The following NBN variants were observed in gnomAD, a reference collection of about 807,000 sequenced individuals.
NBN encodes Nijmegen breakage syndrome 1 (nibrin).
A neutral mutation model predicts 90.8 loss-of-function variants in NBN; 88 were observed. That is an observed-to-expected ratio of 0.97 (90% CI 0.82 to 1.16). NBN has a LOEUF of 1.16. Ranked by LOEUF, NBN falls within the 50% of genes most tolerant of loss-of-function variation. NBN has a pLI of 0.00. For synonymous variants in NBN, 328 were observed against 295.1 expected, an observed-to-expected ratio of 1.11 and a Z score of -1.14; for missense variants, 894 against 869.6, an observed-to-expected ratio of 1.03 and a Z score of -0.35.
Position 89,964,711 on chromosome 8 carries a change from TAA to T in NBN, c.897-206_897-205del, listed in dbSNP as rs1463012007. Among the ~76,000 whole-genome samples the T allele has an allele frequency of 9.2e-5, 14 of 152,266 alleles. No homozygotes were observed. The South Asian group carries it at 1.0e-3, about 11-fold the overall frequency. Reference sequence around the variant, plus strand: ...GTCTACCATCTTTTAGTAACTCCATTAACTTCATCTGTAAAATAAGGGGCTAA... The same window carrying T: ...GTCTACCATCTTTTAGTAACTCCATTCTTCATCTGTAAAATAAGGGGCTAA... On this transcript the variant is annotated intron_variant, in intron 7 of 15. Transcript: ENST00000265433.
At chr8:89,948,643 T>G (rs1810308767) in intron 11 of NBN, among the ~76,000 whole-genome samples, 1 of 152,202 alleles carries the variant, frequency 6.6e-6, no homozygotes, top group Non-Finnish European at 1.5e-5. Flanking sequence ...CAGCAGTAAG[T>G]CTTAAAAGTT....
At chr8:89,975,138 G>C (rs1163649263) in intron 5 of NBN, among the ~76,000 whole-genome samples, 4 of 152,140 alleles carry the variant, frequency 2.6e-5, no homozygotes, top group Non-Finnish European at 5.9e-5. Context: ...TGACAGTCAA[G>C]GAAAATGAGA....
rs1810031173 is a variant in NBN at position 89,943,268 on chromosome 8, T to C, written c.2169A>G (p.Leu723=). Residue 723 remains leucine (L), a synonymous_variant, in exon 14 of 16, where the codon CTA becomes CTG. Coordinates refer to ENST00000265433, the MANE Select transcript of NBN (RefSeq NM_002485.5). The part of the protein sequence containing the change: ...ARKNTELEEW[L]RQEMEVQNQH... ...TCCTACTAACCTCCATTTCCTGCCT[T>C]AGCCACTCTTCTAGTTCTGTATTCT... 6.2e-7 allele frequency: 1 copy of C among 1,613,638 alleles called. No homozygotes were observed. Among genetic ancestry groups the C allele is most frequent in the African/African-American group, 1.3e-5 (1 of 74,904 alleles).
chr8:89,962,233 A>C (rs978870279), intron 8 of NBN, among the ~76,000 whole-genome samples: 2 of 152,210 alleles, frequency 1.3e-5, no homozygotes, highest in African/African-American at 4.8e-5. Flanking sequence ...GTACGTTTGT[A>C]TTCAGAATTG....
intron 3 of NBN, 64 bp from the exon 4 acceptor site, chr8:89,980,957 T>C: frequency 6.9e-7 from 1 of 1,450,148 alleles, no homozygotes; most frequent in Non-Finnish European, 9.6e-7. Context: ...CAATTTTTAG[T>C]ACTTTAAAAC....
rs1483071662 is a variant in NBN at position 89,980,631 on chromosome 8, A to T, written c.480+103T>A. On this transcript the variant is annotated intron_variant, in intron 4 of 15. Transcript: ENST00000265433. The stretch of plus-strand genomic sequence containing the variant: ...GGGTATATATAAATCTACAACTAAC[A>T]GTTCTGATAGTTTTAAAGTAATTAA... 5 of 936,832 alleles carry T rather than the reference A, an allele frequency of 5.3e-6. No homozygotes were observed. The African/African-American group carries it at 6.6e-5, about 12-fold the overall frequency. The allele number at this position is 936,832 out of a possible 1,614,324, so 58.0% of individuals were successfully genotyped here.
intron 9 of NBN, among the ~76,000 whole-genome samples, chr8:89,958,169 C>A (rs13312907): frequency 6.6e-6 from 1 of 152,084 alleles, no homozygotes; most frequent in Non-Finnish European, 1.5e-5. Context: ...GGAGCTCAGG[C>A]GGTAATGCAA....
intron 2 of NBN, chr8:89,982,350 G>A: frequency 3.2e-6 from 1 of 315,582 alleles, no homozygotes; most frequent in South Asian, 2.9e-5. Flanking sequence ...TATTCGCAGG[G>A]TTGGCACAGT....
At position 89,943,372 on chromosome 8, in the gene NBN, G is replaced by T. The variant is rs768670249; in HGVS notation, c.2071-6C>A. ...CCTGCTCCAGGATATGTGACCTATT[G>T]AATAATAAAAGTAGTACAGTAAATC... On this transcript the variant is annotated splice_region_variant and splice_polypyrimidine_tract_variant and intron_variant, in intron 13 of 15. Transcript: ENST00000265433. 2 of 1,600,022 alleles carry T rather than the reference G, an allele frequency of 1.2e-6. No homozygotes were observed. The highest frequency in any genetic ancestry group is 1.3e-5 in the African/African-American group (1 of 74,532).
intron 8 of NBN, 136 bp from the exon 9 acceptor site, chr8:89,958,990 G>GAAACACA (rs1810868006): frequency 8.6e-7 from 1 of 1,166,206 alleles, no homozygotes; most frequent in Non-Finnish European, 1.2e-6. Context: ...TCTCCAATGA[G>GAAACACA]TGGTACCAAC....
At chr8:89,951,210 G>A (rs1035840749) in intron 11 of NBN, among the ~76,000 whole-genome samples, 1 of 151,490 alleles carries the variant, frequency 6.6e-6, no homozygotes, top group Non-Finnish European at 1.5e-5. Flanking sequence ...TACTAGGGAT[G>A]CTGAGGCAGG....
intron 8 of NBN, among the ~76,000 whole-genome samples, chr8:89,960,968 C>A (rs1449377675): frequency 6.6e-6 from 1 of 152,126 alleles, no homozygotes; most frequent in Non-Finnish European, 1.5e-5. Flanking sequence ...CCCACCTAAA[C>A]CTACCTACGA....
chr8:89,951,185 G>A (rs1018356399), intron 11 of NBN, among the ~76,000 whole-genome samples: 21 of 151,766 alleles, frequency 1.4e-4, no homozygotes, highest in Admixed American at 1.3e-3. Context: ...GGTGGCGGGC[G>A]CCTGTAGTCC....
Position 89,935,380 on chromosome 8 carries a change from T to C in NBN, c.*202A>G. 3.6e-6 allele frequency: 2 copies of C among 560,928 alleles called. No individual in the cohort carries two copies. The highest frequency in any genetic ancestry group is 6.2e-6 in the Non-Finnish European group (2 of 321,288). The allele number at this position is 560,928 out of a possible 1,614,324, so 34.7% of individuals were successfully genotyped here. On this transcript the variant is annotated 3_prime_UTR_variant, in exon 16 of 16. Transcript: ENST00000265433. Reference sequence around the variant, plus strand: ...AACACATTTAAAAATGAAAAAAAGATGCAATGACAAAGCCTGAAAACAGAA... The same window carrying C: ...AACACATTTAAAAATGAAAAAAAGACGCAATGACAAAGCCTGAAAACAGAA...
chr8:89,942,139 A>G (rs527742253), intron 14 of NBN, among the ~76,000 whole-genome samples: 1 of 152,296 alleles, frequency 6.6e-6, no homozygotes, highest in East Asian at 1.9e-4. Context: ...AAGAAGAAAG[A>G]GAAATAAACC....
At chr8:89,936,963 G>T in intron 15 of NBN, 63 bp downstream of exon 15, 1 of 1,319,646 alleles carries the variant, frequency 7.6e-7, no homozygotes, top group South Asian at 1.2e-5. Context: ...TAATTTCTAT[G>T]AACAGAACTA....
chr8:89,984,589 A>G lies in NBN; in HGVS notation c.-28T>C. On this transcript the variant is annotated 5_prime_UTR_variant, in exon 1 of 16. Transcript: ENST00000265433. ...GTCCGGCTCCTCAGGGCTGGGGCCGACGTGCAACCGCGTAACCGGGGCTGC... is the reference window on the plus strand; with the variant it reads ...GTCCGGCTCCTCAGGGCTGGGGCCGGCGTGCAACCGCGTAACCGGGGCTGC... The G allele has an allele frequency of 6.2e-7, 1 of 1,611,982 alleles. No homozygotes were observed. The highest frequency in any genetic ancestry group is 8.5e-7 in the Non-Finnish European group (1 of 1,179,432).
chr8:89,971,400 T>C (rs1322671004), intron 5 of NBN, 110 bp from the exon 6 acceptor site: 12 of 1,248,256 alleles, frequency 9.6e-6, no homozygotes, highest in African/African-American at 3.1e-5. Flanking sequence ...ATAATACCTT[T>C]ATAGTATTTT....
chr8:89,946,291 T>C lies in NBN; in HGVS notation c.1919A>G (p.Asn640Ser), dbSNP rs748073091. Residue 640 changes from asparagine to serine, a missense_variant, in exon 13 of 16, where the codon AAT becomes AGT. Physicochemically the swap from Asn to Ser is conservative, Grantham distance 46. Transcript: ENST00000265433. ...SLWSAKEISNNDKLQDDSEML... is the reference protein window; with the variant it reads ...SLWSAKEISNSDKLQDDSEML... ...CTCACTATCATCCTGAAGTTTGTCA[T>C]TGTTCTTAAATGGGGTTAAGATGGA... The C allele has an allele frequency of 1.4e-5, 22 of 1,581,640 alleles. No homozygotes were observed. The highest frequency in any genetic ancestry group is 1.7e-5 in the Admixed American group (1 of 59,936).
Sources: allele counts gnomAD v4.1 joint callset (sites outside exome capture counted in the v4.1 genomes callset), GRCh38; gene constraint gnomAD v4.1.1; transcripts MANE v1.5; gene names NCBI Gene and HGNC (gene_info 2026-07-23, HGNC 2026-07-21).